TANC1: variants seen among roughly 807,000 people sequenced by gnomAD.
TANC1 encodes the protein tetratricopeptide repeat, ankyrin repeat and coiled-coil containing 1.
Under a neutral mutation model 149.7 loss-of-function variants are expected in TANC1, and 77 were observed. The ratio of observed to expected loss-of-function variants is 0.51; its 90% CI spans 0.43 to 0.62. The LOEUF (loss-of-function observed/expected upper bound fraction) is 0.62, where lower values mean the gene tolerates loss of function less well. TANC1 is among the 20% of genes least tolerant of loss of function. The pLI, the probability that TANC1 is intolerant of heterozygous loss-of-function variation, is 0.00. For synonymous variants in TANC1, 854 were observed against 925.0 expected (o/e 0.92, Z 1.39); for missense variants, 1,985 against 2,321.8 (o/e 0.85, Z 2.98).
At chr2:159,020,295 G>A (rs778046874) in intron 2 of TANC1, among the ~76,000 whole-genome samples, 2 of 151,608 alleles carry the variant, frequency 1.3e-5, no homozygotes, top group Non-Finnish European at 2.9e-5. Context: ...TGTATTTTTC[G>A]TAGAGACAGG....
At chr2:159,211,063 G>T (rs948773946) in intron 19 of TANC1, among the ~76,000 whole-genome samples, 1 of 151,120 alleles carries the variant, frequency 6.6e-6, no homozygotes, top group African/African-American at 2.4e-5. Context: ...TAGAGGCAGG[G>T]TTTCACCATG....
At chr2:159,015,730 G>A (rs2038206604) in intron 2 of TANC1, among the ~76,000 whole-genome samples, 2 of 152,260 alleles carry the variant, frequency 1.3e-5, no homozygotes, top group African/African-American at 2.4e-5. Context: ...CAAGTTCAGA[G>A]TTCCACAGAT....
At chr2:158,974,245 C>T (rs546954795) in intron 1 of TANC1, among the ~76,000 whole-genome samples, 2 of 152,036 alleles carry the variant, frequency 1.3e-5, no homozygotes, top group Non-Finnish European at 2.9e-5. Flanking sequence ...TCACTGGTGC[C>T]GTGGTGGTTA....
chr2:159,215,094 T>C (rs1474751027), intron 19 of TANC1, among the ~76,000 whole-genome samples: 2 of 152,174 alleles, frequency 1.3e-5, no homozygotes, highest in African/African-American at 4.8e-5. Context: ...AGAGCTGCCT[T>C]ACCGTTCTGG....
Position 159,230,702 on chromosome 2 carries a change from C to T in TANC1, c.5276C>T (p.Ala1759Val). The T allele has an allele frequency of 6.2e-7, 1 of 1,614,182 alleles. No individual in the cohort carries two copies. The highest frequency in any genetic ancestry group is 8.5e-7 in the Non-Finnish European group (1 of 1,180,028). Residue 1759 changes from alanine (A) to valine (V), a missense_variant, in exon 27 of 27, where the codon GCA (alanine) becomes GTA (valine). This residue lies in a region of TANC1 where 920 missense variants were observed against 994.7 expected (regional missense o/e 0.92). Coordinates refer to ENST00000263635, the MANE Select transcript of TANC1 (RefSeq NM_033394.3). The surrounding 1 kb of genome is among the most constrained non-coding windows in gnomAD (Gnocchi z 4.4). ...PEGLLTNTSSAAGLQSANTEK... is the reference protein window; with the variant it reads ...PEGLLTNTSSVAGLQSANTEK... ...GGGCTGCTGACAAACACGTCTTCTG[C>T]AGCTGGCCTGCAGTCTGCTAACACT...
intron 4 of TANC1, 125 bp from the exon 5 acceptor site, chr2:159,136,069 G>A: frequency 2.0e-6 from 1 of 499,536 alleles, no homozygotes; most frequent in Admixed American, 2.6e-5. Context: ...CGCGTTTAAG[G>A]GAGGGGAAGG....
intron 2 of TANC1, among the ~76,000 whole-genome samples, chr2:159,040,527 T>G (rs368887427): frequency 1.2e-3 from 179 of 152,308 alleles, no homozygotes; most frequent in Non-Finnish European, 2.2e-3. Context: ...AATCACTGAT[T>G]CCCTTTCTTC....
chr2:159,089,222 T>G (rs2045278716), intron 3 of TANC1, among the ~76,000 whole-genome samples: 1 of 152,214 alleles, frequency 6.6e-6, no homozygotes, highest in Non-Finnish European at 1.5e-5. Flanking sequence ...TTTTGTCATC[T>G]TTAAAATTAC....
intron 1 of TANC1, among the ~76,000 whole-genome samples, chr2:158,980,454 T>G (rs772861805): frequency 6.6e-6 from 1 of 152,130 alleles, no homozygotes; most frequent in Admixed American, 6.5e-5. Flanking sequence ...ATTATCACTT[T>G]TAATACAATT....
intron 5 of TANC1, among the ~76,000 whole-genome samples, chr2:159,137,450 A>C (rs906458574): frequency 2.0e-5 from 3 of 152,156 alleles, no homozygotes; most frequent in African/African-American, 7.2e-5. Flanking sequence ...GTGTCTTGGC[A>C]TGAGAAATGC....
At chr2:159,016,039 C>A (rs1214356353) in intron 2 of TANC1, among the ~76,000 whole-genome samples, 3 of 152,164 alleles carry the variant, frequency 2.0e-5, no homozygotes, top group African/African-American at 7.2e-5. Context: ...TAGCACCCCA[C>A]TCCTGGTACC....
chr2:159,017,931 T>C (rs1349883860), intron 2 of TANC1, among the ~76,000 whole-genome samples: 1 of 152,078 alleles, frequency 6.6e-6, no homozygotes. Flanking sequence ...AATGTAAAAA[T>C]AGTACCCTGA....
chr2:159,229,562 A>C lies in TANC1; in HGVS notation c.4152-16A>C. On this transcript the variant is annotated splice_polypyrimidine_tract_variant and intron_variant, in intron 26 of 26. Transcript: ENST00000263635. ...CGTGTGTGGTTTGTAATGTTACCTT[A>C]CATTTTCCTACAAAGGCAATTCGTG... is the stretch of plus-strand genomic sequence containing the variant. The C allele has an allele frequency of 6.3e-7, 1 of 1,595,360 alleles. No individual in the cohort carries two copies. Among genetic ancestry groups the C allele is most frequent in the South Asian group, 1.1e-5 (1 of 89,670 alleles).
intron 4 of TANC1, among the ~76,000 whole-genome samples, chr2:159,100,624 G>A (rs746995812): frequency 2.0e-5 from 3 of 152,232 alleles, no homozygotes; most frequent in Admixed American, 6.5e-5. Flanking sequence ...CATCTCTAAC[G>A]GAGCAGTGCT....
intron 5 of TANC1, chr2:159,147,862 C>T (rs1355548976): frequency 6.6e-6 from 1 of 152,108 alleles, no homozygotes; most frequent in Non-Finnish European, 1.5e-5. Context: ...GCGTAGTTTC[C>T]CTTGTAGCTG....
intron 4 of TANC1, among the ~76,000 whole-genome samples, chr2:159,105,925 A>C (rs1170245906): frequency 6.6e-6 from 1 of 151,438 alleles, no homozygotes; most frequent in African/African-American, 2.4e-5. Flanking sequence ...TTTCTTATTG[A>C]TTTAGCACAG....
At chr2:158,995,796 C>T (rs1039880318) in intron 1 of TANC1, among the ~76,000 whole-genome samples, 2 of 152,198 alleles carry the variant, frequency 1.3e-5, no homozygotes, top group African/African-American at 4.8e-5. Context: ...CTGACACCCA[C>T]TGCCTTACCT....
intron 24 of TANC1, chr2:159,226,118 T>C (rs1042450648): frequency 3.1e-6 from 1 of 322,742 alleles, no homozygotes; most frequent in Non-Finnish European, 5.8e-6. Flanking sequence ...TGCAGTGAGC[T>C]GAGATTGCAC....
At chr2:159,139,533 G>A (rs2042498) in intron 5 of TANC1, among the ~76,000 whole-genome samples, 41,893 of 152,094 alleles carry the variant, frequency 0.28, 6,951 homozygotes, top group Non-Finnish European at 0.39. Context: ...AGAGATGATT[G>A]TTATAACAGG....
Sources: gnomAD v4.1 joint callset for allele counts (sites outside exome capture counted in the v4.1 genomes callset) on GRCh38, gnomAD v4.1.1 for gene constraint, gnomAD v4.1.1 regional missense constraint, Gnocchi (gnomAD v3.1) non-coding constraint, MANE v1.5 for transcripts, NCBI Gene and HGNC (gene_info 2026-07-23, HGNC 2026-07-21) for gene names.